The following ADGRV1 variants were observed in gnomAD, a reference collection of about 807,000 sequenced individuals.
ADGRV1 encodes G-protein coupled receptor 98.
ADGRV1 carries 359 observed loss-of-function variants against 596.2 expected under a neutral mutation model. The ratio of observed to expected loss-of-function variants is 0.60; its 90% CI spans 0.55 to 0.66. The LOEUF is 0.66. ADGRV1 is among the 30% of genes least tolerant of loss of function. ADGRV1 has a pLI of 0.00. For synonymous variants in ADGRV1, 2,681 were observed against 2,679.2 expected, an observed-to-expected ratio of 1.00 and a Z score of -0.02; for missense variants, 7,274 against 7,575.6, an observed-to-expected ratio of 0.96 and a Z score of 1.48.
At chr5:90,839,867 A>G (rs1449286106) in intron 77 of ADGRV1, among the ~76,000 whole-genome samples, 2 of 152,180 alleles carry the variant, frequency 1.3e-5, no homozygotes, top group Non-Finnish European at 2.9e-5. Flanking sequence ...AGTAGGTTCT[A>G]TGAGTGCAGG....
At chr5:91,110,944 C>T (rs776907648) in intron 87 of ADGRV1, among the ~76,000 whole-genome samples, 3 of 152,084 alleles carry the variant, frequency 2.0e-5, no homozygotes, top group African/African-American at 7.2e-5. Flanking sequence ...TTCCCTGGCA[C>T]GTTTTGAATC....
intron 86 of ADGRV1, among the ~76,000 whole-genome samples, chr5:91,099,977 C>T (rs2126635410): frequency 6.6e-6 from 1 of 152,268 alleles, no homozygotes; most frequent in South Asian, 2.1e-4. Context: ...ATACCATTCT[C>T]CCCTAAAAGA....
At position 90,746,081 on chromosome 5, in the gene ADGRV1, G is replaced by A. The variant is rs2247747; in HGVS notation, c.10974+286G>A. ...AAATGTTACAAGTTGATCTTGGTCT[G>A]AAAGTTTGGCTCTGCTGTTAGCTGT... On this transcript the variant is annotated intron_variant, in intron 52 of 89. Coordinates refer to ENST00000405460, the MANE Select transcript of ADGRV1 (RefSeq NM_032119.4). Among the ~76,000 whole-genome samples the A allele has an allele frequency of 0.38, 58,351 of 151,934 alleles. 12,220 individuals carry two copies. Among genetic ancestry groups the A allele is most frequent in the Admixed American group, 0.54 (8,310 of 15,274 alleles).
Position 90,682,510 on chromosome 5 carries a change from A to T in ADGRV1, c.5664+1056A>T, listed in dbSNP as rs1398100351. The stretch of plus-strand genomic sequence containing the variant: ...TACCTACTCTGCTTTGTTCCAGTAG[A>T]AATTAGGAAGGATTCATTGTTCAGT... On this transcript the variant is annotated intron_variant, in intron 27 of 89. Transcript: ENST00000405460. 3.3e-5 allele frequency among the ~76,000 whole-genome samples: 5 copies of T among 152,214 alleles called. No homozygotes were observed. The East Asian group carries it at 9.6e-4, about 29-fold the overall frequency.
intron 85 of ADGRV1, among the ~76,000 whole-genome samples, chr5:91,063,103 A>G (rs558698532): frequency 1.3e-5 from 2 of 151,094 alleles, no homozygotes; most frequent in East Asian, 2.0e-4. Context: ...GAACACAGGC[A>G]TGGTGCCACC....
chr5:90,852,480 C>G (rs1158448364), intron 79 of ADGRV1, among the ~76,000 whole-genome samples: 1 of 152,122 alleles, frequency 6.6e-6, no homozygotes, highest in Non-Finnish European at 1.5e-5. Context: ...CTGTGTGTCT[C>G]CTGATTGTTT....
intron 36 of ADGRV1, 75 bp from the exon 37 acceptor site, chr5:90,705,325 A>G: frequency 8.1e-7 from 1 of 1,229,222 alleles, no homozygotes; most frequent in Non-Finnish European, 1.2e-6. Context: ...TTAATGTTTC[A>G]GAGAGTGAGG....
chr5:91,088,903 A>G (rs1790132479), intron 86 of ADGRV1, among the ~76,000 whole-genome samples: 1 of 152,184 alleles, frequency 6.6e-6, no homozygotes, highest in South Asian at 2.1e-4. Flanking sequence ...TCACTAATAT[A>G]CAAGTATTAG....
At chr5:90,982,832 A>G (rs975300693) in intron 84 of ADGRV1, among the ~76,000 whole-genome samples, 2 of 152,198 alleles carry the variant, frequency 1.3e-5, no homozygotes, top group African/African-American at 2.4e-5. Context: ...CGCACTCTGC[A>G]TGTGGTGGGA....
chr5:90,708,773 T>G (rs1350702255), intron 38 of ADGRV1, 43 bp from the exon 39 acceptor site: 1 of 1,257,558 alleles, frequency 8.0e-7, no homozygotes, highest in African/African-American at 1.5e-5. Context: ...TTAATTACTT[T>G]GAGAGTATAA....
intron 83 of ADGRV1, among the ~76,000 whole-genome samples, chr5:90,947,395 CAGAT>C (rs1286671509): frequency 4.0e-5 from 6 of 151,852 alleles, no homozygotes; most frequent in East Asian, 1.9e-4. Flanking sequence ...CTTTGTCAGA[CAGAT>C]AGATTGCAAA....
At position 90,810,845 on chromosome 5, in the gene ADGRV1, T is replaced by G. The variant is rs1436911281; in HGVS notation, c.15585T>G (p.Leu5195=). ...CCATCCCTGAGAAACTTGTCACCCTTCATGGCACACCTGCTGTGTCTGAAA... is the reference window on the plus strand; with the variant it reads ...CCATCCCTGAGAAACTTGTCACCCTGCATGGCACACCTGCTGTGTCTGAAA... ...VSAIPEKLVT[L]HGTPAVSEKP... Residue 5195 remains leucine, a synonymous_variant, in exon 74 of 90, where the codon CTT becomes CTG. Transcript: ENST00000405460. The G allele has an allele frequency of 6.2e-7, 1 of 1,613,914 alleles. No individual in the cohort carries two copies. The highest frequency in any genetic ancestry group is 1.3e-5 in the African/African-American group (1 of 74,926).
intron 85 of ADGRV1, among the ~76,000 whole-genome samples, chr5:90,999,028 T>C (rs1040252020): frequency 3.3e-5 from 5 of 152,094 alleles, no homozygotes; most frequent in African/African-American, 9.7e-5. Flanking sequence ...TACTTGTTCA[T>C]CTCCCTACAT....
chr5:90,753,399 C>A (rs1291047377), intron 53 of ADGRV1, among the ~76,000 whole-genome samples, 175 bp from the exon 54 acceptor site: 1 of 151,892 alleles, frequency 6.6e-6, no homozygotes, highest in African/African-American at 2.4e-5. Context: ...TTTTTCCTAA[C>A]AATCTTCCAT....
chr5:90,674,888 A>T (rs1773001144), intron 23 of ADGRV1, among the ~76,000 whole-genome samples: 1 of 152,098 alleles, frequency 6.6e-6, no homozygotes, highest in African/African-American at 2.4e-5. Context: ...AACCTGTTCT[A>T]CTATATGTTC....
intron 1 of ADGRV1, among the ~76,000 whole-genome samples, chr5:90,590,336 A>C (rs929489906): frequency 4.6e-5 from 7 of 152,170 alleles, no homozygotes; most frequent in Admixed American, 2.6e-4. Flanking sequence ...GGCTGATGTC[A>C]TCTTACTGCT....
chr5:90,604,973 T>G (rs1399382503), intron 1 of ADGRV1, among the ~76,000 whole-genome samples: 1 of 152,224 alleles, frequency 6.6e-6, no homozygotes. Context: ...TTCTCTACAC[T>G]GTTCTTCCTG....
At chr5:91,038,653 C>T (rs1382924205) in intron 85 of ADGRV1, among the ~76,000 whole-genome samples, 1 of 152,174 alleles carries the variant, frequency 6.6e-6, no homozygotes, top group Non-Finnish European at 1.5e-5. Context: ...TAACTAGCCT[C>T]TTGGGGATTT....
At chr5:91,163,132 T>C (rs1016471106) in intron 89 of ADGRV1, among the ~76,000 whole-genome samples, 3 of 152,224 alleles carry the variant, frequency 2.0e-5, no homozygotes, top group African/African-American at 7.2e-5. Flanking sequence ...AAAAAAGTAA[T>C]GAATAGTGGA....
Sources: allele counts gnomAD v4.1 joint callset (sites outside exome capture counted in the v4.1 genomes callset), GRCh38; gene constraint gnomAD v4.1.1; transcripts MANE v1.5; gene names NCBI Gene and HGNC (gene_info 2026-07-23, HGNC 2026-07-21).